The following GRM1 variants were observed in gnomAD, a reference collection of about 807,000 sequenced individuals.
The protein encoded by GRM1 is glutamate metabotropic receptor 1, also known as metabotropic glutamate receptor 1.
A neutral mutation model predicts 90.9 loss-of-function variants in GRM1; 33 were observed. That is an observed-to-expected ratio of 0.36 (90% confidence interval 0.28 to 0.49). The LOEUF (loss-of-function observed/expected upper bound fraction) is 0.49. GRM1 is among the 20% of genes least tolerant of loss of function. GRM1 has a pLI of 0.99. For missense variants in GRM1, 1,190 were observed against 1,534.3 expected (o/e 0.78, Z 3.75); for synonymous variants, 700 against 613.2 (o/e 1.14, Z -2.09).
chr6:146,395,949 G>T (rs781739560), intron 6 of GRM1, among the ~76,000 whole-genome samples: 1 of 151,994 alleles, frequency 6.6e-6, no homozygotes, highest in African/African-American at 2.4e-5. Context: ...ATTCACTGTG[G>T]TATTTTATCT....
At chr6:146,137,231 A>G (rs1217639291) in intron 1 of GRM1, among the ~76,000 whole-genome samples, 1 of 152,176 alleles carries the variant, frequency 6.6e-6, no homozygotes, top group Non-Finnish European at 1.5e-5. Context: ...ATACTGAAGC[A>G]ATCTTTGCCC....
chr6:146,309,398 C>CA (rs1395434347), intron 3 of GRM1, among the ~76,000 whole-genome samples: 1,517 of 114,004 alleles, frequency 0.013, 10 homozygotes, highest in African/African-American at 0.031. Flanking sequence ...GACTCTGTCT[C>CA]AAAAAAAAAA....
rs1018640655 is a variant in GRM1 at position 146,434,224 on chromosome 6, G to A, written c.3013G>A (p.Ala1005Thr). ...CGCAGAGGAGACCCCCCTCTTCCTG[G>A]CCGAACCAGCCCTCCCCAAGGGCTT... ...LTAEETPLFL[A>T]EPALPKGLPP... Residue 1005 changes from alanine to threonine, a missense_variant, in exon 8 of 8, where the codon GCC becomes ACC. By Grantham distance (58) the Ala-to-Thr change is moderately conservative. Around this residue, in one of 10 missense-constraint regions of GRM1, gnomAD observed 400 missense variants for 360.8 expected, o/e 1.11. Coordinates refer to ENST00000282753, the MANE Select transcript of GRM1 (RefSeq NM_001278064.2). 1.2e-5 allele frequency: 19 copies of A among 1,606,924 alleles called. No homozygotes were observed. The highest frequency in any genetic ancestry group is 1.4e-5 in the Non-Finnish European group (17 of 1,175,350).
intron 2 of GRM1, among the ~76,000 whole-genome samples, chr6:146,301,348 A>G (rs1224239675): frequency 6.6e-6 from 1 of 152,198 alleles, no homozygotes; most frequent in African/African-American, 2.4e-5. Flanking sequence ...ATTCACAGAT[A>G]AAGTTTTCGT....
At chr6:146,188,302 C>A (rs1583136083) in intron 2 of GRM1, among the ~76,000 whole-genome samples, 1 of 151,986 alleles carries the variant, frequency 6.6e-6, no homozygotes, top group Non-Finnish European at 1.5e-5. Flanking sequence ...AATATGAGTT[C>A]AAGACAAAAA....
In GRM1 at chr6:146,399,786, T is replaced by C; in HGVS notation, c.2660+87T>C. On this transcript the variant is annotated intron_variant, in intron 7 of 7. Transcript: ENST00000282753. This position sits in a 1 kb window ranked among gnomAD's most constrained non-coding sequence, Gnocchi z 5.4. ...CTCTCTCTCTCTCTTTCTCTGTCTCTCATATCTTCCTCTAGTTTTCTGAGT... is the reference window on the plus strand; with the variant it reads ...CTCTCTCTCTCTCTTTCTCTGTCTCCCATATCTTCCTCTAGTTTTCTGAGT... 1 of 896,952 alleles carries C rather than the reference T, an allele frequency of 1.1e-6. No individual in the cohort carries two copies. The highest frequency in any genetic ancestry group is 1.4e-5 in the South Asian group (1 of 70,916). The allele number at this position is 896,952 out of a possible 1,614,324, so 55.6% of individuals were successfully genotyped here. A position where few individuals can be genotyped will look rare whatever the true frequency, so the allele number is the denominator to read the frequency against.
chr6:146,165,476 G>A (rs117913017), intron 2 of GRM1, among the ~76,000 whole-genome samples: 1 of 152,086 alleles, frequency 6.6e-6, no homozygotes, highest in East Asian at 1.9e-4. Context: ...AAGAGAATGT[G>A]GACTTTCATT....
At chr6:146,410,314 A>G (rs1202024490) in intron 7 of GRM1, among the ~76,000 whole-genome samples, 1 of 152,224 alleles carries the variant, frequency 6.6e-6, no homozygotes, top group East Asian at 1.9e-4. Context: ...ATTTATTGGT[A>G]AAGAAAATAG....
chr6:146,318,147 C>G (rs946951877), intron 3 of GRM1, among the ~76,000 whole-genome samples: 1 of 152,264 alleles, frequency 6.6e-6, no homozygotes, highest in Admixed American at 6.5e-5. Flanking sequence ...CTATCACTCC[C>G]CTAGCCCCCT....
intron 5 of GRM1, among the ~76,000 whole-genome samples, chr6:146,373,415 G>A (rs1775976024): frequency 6.6e-6 from 1 of 152,188 alleles, no homozygotes; most frequent in East Asian, 1.9e-4. Context: ...AAAGTGAAGG[G>A]GGAAGTGCTA....
intron 2 of GRM1, among the ~76,000 whole-genome samples, chr6:146,257,378 T>A (rs965472370): frequency 3.9e-5 from 6 of 152,092 alleles, no homozygotes; most frequent in Admixed American, 2.6e-4. Flanking sequence ...GCTCATTAAG[T>A]CACTAAGTAT....
chr6:146,198,784 T>C (rs1470352783), intron 2 of GRM1, among the ~76,000 whole-genome samples: 19 of 152,230 alleles, frequency 1.2e-4, no homozygotes, highest in Admixed American at 1.2e-3. Context: ...TATGAATATA[T>C]GGCAGAAGGA....
intron 1 of GRM1, among the ~76,000 whole-genome samples, chr6:146,081,501 C>T (rs1776363490): frequency 6.6e-6 from 1 of 152,092 alleles, no homozygotes; most frequent in East Asian, 1.9e-4. Context: ...CATGTCACGG[C>T]AAGAGTGGAA....
At chr6:146,260,203 C>T (rs2114788908) in intron 2 of GRM1, among the ~76,000 whole-genome samples, 1 of 151,950 alleles carries the variant, frequency 6.6e-6, no homozygotes, top group East Asian at 1.9e-4. Context: ...TGTTCACCTC[C>T]CTGTGTCCTC....
intron 7 of GRM1, among the ~76,000 whole-genome samples, chr6:146,404,812 T>C (rs1777280755): frequency 6.6e-6 from 1 of 152,168 alleles, no homozygotes; most frequent in African/African-American, 2.4e-5. Flanking sequence ...TAAAGGTTTT[T>C]GTGAAGTTTC....
chr6:146,134,422 G>T (rs1776529053), intron 1 of GRM1, among the ~76,000 whole-genome samples: 1 of 152,158 alleles, frequency 6.6e-6, no homozygotes, highest in African/African-American at 2.4e-5. Flanking sequence ...TGCTAGTAAA[G>T]ACATACACAA....
At chr6:146,089,943 G>A (rs1364715506) in intron 1 of GRM1, among the ~76,000 whole-genome samples, 1 of 151,994 alleles carries the variant, frequency 6.6e-6, no homozygotes, top group African/African-American at 2.4e-5. Flanking sequence ...TTAAAACTCT[G>A]CCAATGTTTC....
intron 7 of GRM1, among the ~76,000 whole-genome samples, chr6:146,421,628 A>G (rs1386621775): frequency 1.3e-5 from 2 of 152,188 alleles, no homozygotes; most frequent in Non-Finnish European, 2.9e-5. Context: ...CAAAATGTTA[A>G]TATTTGTCAA....
chr6:146,181,677 C>G (rs749677073), intron 2 of GRM1, among the ~76,000 whole-genome samples: 2 of 152,188 alleles, frequency 1.3e-5, no homozygotes, highest in South Asian at 4.1e-4. Context: ...TATTATAGCT[C>G]AAGCTGTCAA....
Sources: gnomAD v4.1 joint callset for allele counts (sites outside exome capture counted in the v4.1 genomes callset) on GRCh38, gnomAD v4.1.1 for gene constraint, gnomAD v4.1.1 regional missense constraint, Gnocchi (gnomAD v3.1) non-coding constraint, MANE v1.5 for transcripts, NCBI Gene and HGNC (gene_info 2026-07-23, HGNC 2026-07-21) for gene names.